Variants in CDH12 observed in about 807,000 individuals in gnomAD.
CDH12 encodes the protein cadherin 12.
CDH12 carries 41 observed loss-of-function variants against 74.1 expected under a neutral mutation model. That is an observed-to-expected ratio of 0.55 (90% CI 0.43 to 0.72). The LOEUF is 0.72. Among genes scored for constraint, CDH12 ranks in the 30% least tolerant of loss-of-function variants. The probability of loss-of-function intolerance (pLI) is 0.00; values close to 1 mark genes in which losing one functional copy is unlikely to be tolerated. For synonymous variants in CDH12, 399 were observed against 355.0 expected, an observed-to-expected ratio of 1.12 and a Z score of -1.39; for missense variants, 945 against 977.2, an observed-to-expected ratio of 0.97 and a Z score of 0.44.
intron 5 of CDH12, among the ~76,000 whole-genome samples, chr5:21,999,961 A>G (rs562687009): frequency 3.7e-4 from 57 of 152,256 alleles, no homozygotes; most frequent in Non-Finnish European, 6.5e-4. Flanking sequence ...CAATGCAAAT[A>G]CTTTTGCACT....
intron 3 of CDH12, among the ~76,000 whole-genome samples, chr5:22,392,745 C>T (rs1214059067): frequency 3.9e-5 from 6 of 152,256 alleles, no homozygotes; most frequent in Admixed American, 1.3e-4. Flanking sequence ...GCAGAGTTAA[C>T]GTTGGCTGTT....
chr5:22,529,725 C>G (rs1737502190), intron 1 of CDH12, among the ~76,000 whole-genome samples: 1 of 152,162 alleles, frequency 6.6e-6, no homozygotes, highest in Admixed American at 6.6e-5. Flanking sequence ...CATCACAGTC[C>G]TCTTTAGACT....
chr5:22,562,154 A>G (rs551525821), intron 1 of CDH12, among the ~76,000 whole-genome samples: 1 of 152,134 alleles, frequency 6.6e-6, no homozygotes, highest in African/African-American at 2.4e-5. Flanking sequence ...CGTCTCTACT[A>G]AAAATACAAA....
intron 9 of CDH12, among the ~76,000 whole-genome samples, chr5:21,814,142 AGTGTGTGT>A (rs59666017): frequency 0.06 from 8,756 of 145,504 alleles, 331 homozygotes; most frequent in African/African-American, 0.11. Flanking sequence ...AGGAGAAATG[AGTGTGTGT>A]GTGTGTGTGT....
At chr5:22,120,190 G>T (rs1322083783) in intron 4 of CDH12, among the ~76,000 whole-genome samples, 1 of 152,082 alleles carries the variant, frequency 6.6e-6, no homozygotes, top group African/African-American at 2.4e-5. Flanking sequence ...GAGGTTAATT[G>T]TGTTTTTATT....
intron 5 of CDH12, among the ~76,000 whole-genome samples, chr5:22,064,601 A>G (rs929713293): frequency 3.3e-5 from 5 of 152,174 alleles, no homozygotes; most frequent in African/African-American, 4.8e-5. Context: ...TCTCCTAACC[A>G]AAGTCTTGCA....
chr5:22,769,719 T>C (rs1246460379), intron 1 of CDH12, among the ~76,000 whole-genome samples: 2 of 152,016 alleles, frequency 1.3e-5, no homozygotes, highest in African/African-American at 4.8e-5. Context: ...TCCCTGCAAA[T>C]GAAGAGACTT....
chr5:21,885,824 G>C (rs1752600444), intron 6 of CDH12, among the ~76,000 whole-genome samples: 1 of 151,990 alleles, frequency 6.6e-6, no homozygotes, highest in South Asian at 2.1e-4. Context: ...TTTTTAAGTA[G>C]TTCCCACACC....
chr5:22,438,291 T>C (rs768365034), intron 2 of CDH12, among the ~76,000 whole-genome samples: 2 of 152,056 alleles, frequency 1.3e-5, no homozygotes, highest in African/African-American at 2.4e-5. Context: ...TTTTTTCTCC[T>C]ACAGAATGTA....
intron 1 of CDH12, among the ~76,000 whole-genome samples, chr5:22,795,143 T>G (rs1181919679): frequency 6.6e-6 from 1 of 152,150 alleles, no homozygotes; most frequent in Non-Finnish European, 1.5e-5. Context: ...ATTTCAGTCA[T>G]CCCTAATATG....
chr5:22,519,082 T>G (rs564163026), intron 1 of CDH12, among the ~76,000 whole-genome samples: 1 of 152,154 alleles, frequency 6.6e-6, no homozygotes, highest in African/African-American at 2.4e-5. Flanking sequence ...TGGGGTAGAT[T>G]ATTTTGGCAA....
At chr5:21,995,763 G>A (rs6897059) in intron 5 of CDH12, among the ~76,000 whole-genome samples, 42,636 of 151,268 alleles carry the variant, frequency 0.28, 9,322 homozygotes, top group African/African-American at 0.61. Context: ...TGAGGGAAAC[G>A]CTTTGTGCTC....
At chr5:22,241,987 G>T (rs1203768297) in intron 3 of CDH12, among the ~76,000 whole-genome samples, 1 of 152,056 alleles carries the variant, frequency 6.6e-6, no homozygotes, top group Non-Finnish European at 1.5e-5. Flanking sequence ...TATGGAGACA[G>T]ATATGGTAAT....
rs111773008 is a variant in CDH12, at chr5:22,122,595, T to C, written c.-186-43733A>G. 7.2e-3 allele frequency among the ~76,000 whole-genome samples: 1,104 copies of C among 152,300 alleles called. 30 individuals are homozygous for C. The highest frequency in any genetic ancestry group is 0.025 in the African/African-American group (1,054 of 41,568). On this transcript the variant is annotated intron_variant, in intron 4 of 14. Coordinates refer to ENST00000382254, the MANE Select transcript of CDH12 (RefSeq NM_004061.5). Reference sequence around the variant, plus strand: ...TGACATTCCTCTATAGACATTAATTTGGTTATAAGCCATCTATTTCAGTGG... The same window carrying C: ...TGACATTCCTCTATAGACATTAATTCGGTTATAAGCCATCTATTTCAGTGG...
At chr5:21,958,092 A>G (rs933820806) in intron 6 of CDH12, among the ~76,000 whole-genome samples, 3 of 151,998 alleles carry the variant, frequency 2.0e-5, no homozygotes, top group African/African-American at 7.2e-5. Context: ...TAATGGTTTT[A>G]TGAGGGGCTC....
chr5:22,098,907 G>A (rs1413890787), intron 4 of CDH12, among the ~76,000 whole-genome samples: 4 of 152,102 alleles, frequency 2.6e-5, no homozygotes, highest in African/African-American at 9.7e-5. Context: ...CTGCCTCTTA[G>A]AACCTCTCAT....
intron 1 of CDH12, among the ~76,000 whole-genome samples, chr5:22,705,699 G>A (rs1742972220): frequency 6.6e-6 from 1 of 151,982 alleles, no homozygotes; most frequent in Non-Finnish European, 1.5e-5. Context: ...GCCACCAAGG[G>A]AGAAGATAAT....
chr5:22,382,302 T>C (rs1741799612), intron 3 of CDH12, among the ~76,000 whole-genome samples: 2 of 148,286 alleles, frequency 1.3e-5, no homozygotes, highest in Non-Finnish European at 3.0e-5. Flanking sequence ...AATATATATT[T>C]CTATATGTCT....
intron 2 of CDH12, among the ~76,000 whole-genome samples, chr5:22,456,078 C>T (rs980456698): frequency 4.0e-5 from 6 of 150,072 alleles, no homozygotes; most frequent in African/African-American, 1.5e-4. Flanking sequence ...CACAATAGCA[C>T]GCCATTATTC....
Sources: gnomAD v4.1 joint callset for allele counts (sites outside exome capture counted in the v4.1 genomes callset) on GRCh38, gnomAD v4.1.1 for gene constraint, MANE v1.5 for transcripts, NCBI Gene and HGNC (gene_info 2026-07-23, HGNC 2026-07-21) for gene names.